PDE4D: variants seen among roughly 807,000 people sequenced by gnomAD.
PDE4D encodes 3',5'-cyclic-AMP phosphodiesterase 4D.
In PDE4D, 24 loss-of-function variants were observed where a neutral mutation model predicts 87.4. The observed-to-expected ratio is 0.27, with a 90% confidence interval of 0.20 to 0.39. The LOEUF (loss-of-function observed/expected upper bound fraction) is 0.39. Among genes scored for constraint, PDE4D ranks in the 10% least tolerant of loss-of-function variants. The probability of loss-of-function intolerance (pLI) is 1.00; values close to 1 mark genes in which losing one functional copy is unlikely to be tolerated. For missense variants in PDE4D, 714 were observed against 1,041.0 expected, an observed-to-expected ratio of 0.69 and a Z score of 4.32; for synonymous variants, 384 against 383.2, an observed-to-expected ratio of 1.00 and a Z score of -0.02.
intron 1 of PDE4D, among the ~76,000 whole-genome samples, chr5:60,370,872 C>A (rs1222703871): frequency 6.6e-6 from 1 of 151,792 alleles, no homozygotes; most frequent in Admixed American, 6.6e-5. Flanking sequence ...AGAGAGAAGG[C>A]GATTTTAGTA....
chr5:59,547,540 T>C (rs1043795254), intron 1 of PDE4D, among the ~76,000 whole-genome samples: 3 of 152,208 alleles, frequency 2.0e-5, no homozygotes, highest in Non-Finnish European at 4.4e-5. Context: ...TTTGACTTTT[T>C]TGACAGTTTT....
chr5:59,719,619 C>T (rs1452787091), intron 1 of PDE4D, among the ~76,000 whole-genome samples: 1 of 152,126 alleles, frequency 6.6e-6, no homozygotes, highest in East Asian at 1.9e-4. Context: ...CTTAAGCAAA[C>T]CTTCCACAAT....
At chr5:59,481,620 G>A (rs1038446576) in intron 1 of PDE4D, among the ~76,000 whole-genome samples, 4 of 151,980 alleles carry the variant, frequency 2.6e-5, no homozygotes, top group Admixed American at 6.6e-5. Context: ...TTAAAATCCC[G>A]GAACCTGCCT....
chr5:59,255,228 C>T (rs528152757), intron 1 of PDE4D, among the ~76,000 whole-genome samples: 3 of 152,078 alleles, frequency 2.0e-5, no homozygotes, highest in South Asian at 4.2e-4. Context: ...TTATTCGGTC[C>T]TAAAAAATGA....
intron 1 of PDE4D, among the ~76,000 whole-genome samples, chr5:60,264,728 G>A (rs981596672): frequency 5.3e-5 from 8 of 152,224 alleles, no homozygotes; most frequent in African/African-American, 1.9e-4. Flanking sequence ...TCTTTGGCTT[G>A]CTTGGGACAC....
chr5:59,247,335 A>G (rs1013689465), intron 1 of PDE4D, among the ~76,000 whole-genome samples: 4 of 152,078 alleles, frequency 2.6e-5, no homozygotes, highest in African/African-American at 9.7e-5. Context: ...AGTAGTTTCA[A>G]TGTTTGTGGG....
chr5:59,561,682 C>A (rs1207521911), intron 1 of PDE4D, among the ~76,000 whole-genome samples: 1 of 152,026 alleles, frequency 6.6e-6, no homozygotes, highest in Non-Finnish European at 1.5e-5. Context: ...GTAATTCCAG[C>A]ACTTTGGGCA....
At position 58,973,931 on chromosome 5, in the gene PDE4D, A is replaced by AATTAG. The variant is rs1388555073; in HGVS notation, c.*728_*732dup. ...CTATAAGGTGCAAGTAAAATTCATA[A>AATTAG]ATTAGATTTTTATCCAGTGTAGCAC... On this transcript the variant is annotated 3_prime_UTR_variant, in exon 15 of 15. Coordinates refer to ENST00000340635, the MANE Select transcript of PDE4D (RefSeq NM_001104631.2). 1 of 152,660 alleles carries AATTAG rather than the reference A, an allele frequency of 6.6e-6. No homozygotes were observed. The highest frequency in any genetic ancestry group is 1.5e-5 in the Non-Finnish European group (1 of 68,046). The allele number at this position is 152,660 out of a possible 1,614,324, so 9.5% of individuals were successfully genotyped here. A position where few individuals can be genotyped will look rare whatever the true frequency, so the allele number is the denominator to read the frequency against.
At chr5:60,504,719 T>C (rs893502019) in intron 1 of PDE4D, among the ~76,000 whole-genome samples, 6 of 152,202 alleles carry the variant, frequency 3.9e-5, no homozygotes, top group African/African-American at 1.4e-4. Context: ...GTATTTGACA[T>C]TAAAATTGAC....
rs759080805 is a variant in PDE4D, at chr5:59,768,462, A to G, written c.455+124706T>C. ...GCCACGGGTTTGGACAATGCGGATT[A>G]TCCACTTCAGGTACTGTTAAAGTGT... On this transcript the variant is annotated intron_variant, in intron 1 of 14. Transcript: ENST00000340635. 3.8e-6 allele frequency: 6 copies of G among 1,598,372 alleles called. No individual in the cohort carries two copies. In the East Asian group the frequency reaches 8.9e-5, roughly 24 times the overall value.
At chr5:59,282,287 AC>A (rs1347143910) in intron 1 of PDE4D, among the ~76,000 whole-genome samples, 1 of 152,168 alleles carries the variant, frequency 6.6e-6, no homozygotes, top group African/African-American at 2.4e-5. Context: ...AACTGGAAAG[AC>A]CACATTGCCA....
chr5:59,395,642 C>T (rs2702361), intron 1 of PDE4D, among the ~76,000 whole-genome samples: 2 of 142,750 alleles, frequency 1.4e-5, no homozygotes, highest in African/African-American at 5.3e-5. Flanking sequence ...AAAAACAGAA[C>T]AGAAAAACTG....
intron 1 of PDE4D, among the ~76,000 whole-genome samples, chr5:59,612,613 A>G (rs1829150160): frequency 6.6e-6 from 1 of 152,210 alleles, no homozygotes; most frequent in African/African-American, 2.4e-5. Flanking sequence ...GGATTATATG[A>G]TAACAGTTTG....
chr5:59,827,572 C>T (rs1198554587), intron 1 of PDE4D, among the ~76,000 whole-genome samples: 3 of 152,134 alleles, frequency 2.0e-5, no homozygotes, highest in Non-Finnish European at 1.5e-5. Flanking sequence ...CTCAATTTTA[C>T]TGCCCAGAAG....
intron 2 of PDE4D, among the ~76,000 whole-genome samples, chr5:59,993,633 G>A (rs1763233135): frequency 6.6e-6 from 1 of 152,008 alleles, no homozygotes; most frequent in Non-Finnish European, 1.5e-5. Context: ...GCTCTCCTGT[G>A]CAATATTGGT....
intron 1 of PDE4D, among the ~76,000 whole-genome samples, chr5:59,615,445 A>G (rs552743220): frequency 2.2e-5 from 1 of 44,926 alleles, no homozygotes; most frequent in South Asian, 1.4e-3. Flanking sequence ...TCATAGGCAC[A>G]TAGATTAAAT....
intron 5 of PDE4D, among the ~76,000 whole-genome samples, chr5:59,080,108 T>C (rs1297916430): frequency 6.6e-6 from 1 of 152,164 alleles, no homozygotes; most frequent in Non-Finnish European, 1.5e-5. Context: ...AAAGTGAAGA[T>C]TGCCTCAGAG....
chr5:59,279,584 G>A (rs1334796118), intron 1 of PDE4D, among the ~76,000 whole-genome samples: 2 of 151,890 alleles, frequency 1.3e-5, no homozygotes, highest in Non-Finnish European at 2.9e-5. Context: ...AAACTGTCAG[G>A]TTAGGATAAT....
At chr5:60,172,315 T>G (rs1233108255) in intron 2 of PDE4D, among the ~76,000 whole-genome samples, 3 of 147,680 alleles carry the variant, frequency 2.0e-5, no homozygotes, top group Non-Finnish European at 4.5e-5. Flanking sequence ...TGCAAAATAT[T>G]TGAACGTATT....
Sources: gnomAD v4.1 joint callset for allele counts (sites outside exome capture counted in the v4.1 genomes callset) on GRCh38, gnomAD v4.1.1 for gene constraint, MANE v1.5 for transcripts, NCBI Gene and HGNC (gene_info 2026-07-23, HGNC 2026-07-21) for gene names.